Variants in NEDD9 observed in about 807,000 individuals in gnomAD.
NEDD9 encodes neural precursor cell expressed, developmentally down-regulated 9.
In NEDD9, 26 loss-of-function variants were observed where a neutral mutation model predicts 76.6. The observed-to-expected ratio is 0.34, with a 90% CI of 0.25 to 0.47. The LOEUF (loss-of-function observed/expected upper bound fraction) is 0.47, where lower values mean the gene tolerates loss of function less well. NEDD9 is among the 20% of genes least tolerant of loss of function. The pLI is 1.00. For synonymous variants in NEDD9, 392 were observed against 414.2 expected (o/e 0.95, Z 0.65); for missense variants, 937 against 1,058.5 (o/e 0.89, Z 1.59).
intron 1 of NEDD9, among the ~76,000 whole-genome samples, chr6:11,354,375 A>G (rs1320118470): frequency 6.6e-6 from 1 of 152,152 alleles, no homozygotes; most frequent in Admixed American, 6.5e-5. Context: ...CATTTTTCGG[A>G]TGGAGTCCCA....
At chr6:11,279,698 C>T (rs781442165) in intron 3 of NEDD9, among the ~76,000 whole-genome samples, 1 of 152,108 alleles carries the variant, frequency 6.6e-6, no homozygotes, top group Non-Finnish European at 1.5e-5. Context: ...CTCAGGGCTC[C>T]CCCTTGCATT....
intron 2 of NEDD9, among the ~76,000 whole-genome samples, chr6:11,210,070 A>G (rs1208110493): frequency 6.6e-6 from 1 of 150,812 alleles, no homozygotes; most frequent in East Asian, 2.0e-4. Context: ...ATTTTGAACT[A>G]TGGAAAGTCC....
intron 3 of NEDD9, among the ~76,000 whole-genome samples, chr6:11,245,723 A>G (rs527348119): frequency 5.3e-5 from 8 of 152,374 alleles, no homozygotes; most frequent in South Asian, 2.1e-4. Flanking sequence ...TTTAGAGCCA[A>G]TGCCAAAGTG....
upstream of NEDD9, among the ~76,000 whole-genome samples, chr6:11,234,634 A>G (rs1320557573): frequency 6.6e-6 from 1 of 152,138 alleles, no homozygotes; most frequent in Non-Finnish European, 1.5e-5. Flanking sequence ...TTGGGTCAGT[A>G]TATAGTTAGC....
chr6:11,342,363 G>A (rs916021591), intron 1 of NEDD9, among the ~76,000 whole-genome samples: 2 of 151,966 alleles, frequency 1.3e-5, no homozygotes, highest in African/African-American at 2.4e-5. Flanking sequence ...GATAAAGGAA[G>A]CCCCACCTAA....
At chr6:11,205,220 A>G (rs568462757) in intron 2 of NEDD9, among the ~76,000 whole-genome samples, 24 of 152,214 alleles carry the variant, frequency 1.6e-4, no homozygotes, top group Non-Finnish European at 2.8e-4. Flanking sequence ...CCCTCCTCTG[A>G]ACAGCAAATG....
At chr6:11,308,611 CG>C (rs1761269571) in intron 2 of NEDD9, among the ~76,000 whole-genome samples, 1 of 151,936 alleles carries the variant, frequency 6.6e-6, no homozygotes, top group Admixed American at 6.6e-5. Flanking sequence ...CCTCGTGATC[CG>C]CCCACCTCAG....
Position 11,225,800 on chromosome 6 carries a change from CTTTT to C in NEDD9, c.12+6700_12+6703del, listed in dbSNP as rs5874311. On this transcript the variant is annotated intron_variant, in intron 1 of 6. Coordinates refer to ENST00000379446, the MANE Select transcript of NEDD9 (RefSeq NM_006403.4). ...ACAGGTGTGAGCCACCGCGCCCGGCCTTTTTTTTTTTTTTTTTTTAAAGAATAAC... is the reference window on the plus strand; with the variant it reads ...ACAGGTGTGAGCCACCGCGCCCGGCCTTTTTTTTTTTTTTTAAAGAATAAC... Among the ~76,000 whole-genome samples, 745 of 135,166 alleles carry C rather than the reference CTTTT, an allele frequency of 5.5e-3. 4 individuals carry two copies. The highest frequency in any genetic ancestry group is 0.021 in the South Asian group (86 of 4,108). The allele number at this position is 135,166 out of a possible 152,430, so 88.7% of individuals were successfully genotyped here. A position where few individuals can be genotyped will look rare whatever the true frequency, so the allele number is the denominator to read the frequency against.
At chr6:11,218,345 CTTTTTT>C (rs35407775) in intron 1 of NEDD9, among the ~76,000 whole-genome samples, 3 of 141,066 alleles carry the variant, frequency 2.1e-5, no homozygotes, top group African/African-American at 7.9e-5. Context: ...TCTTCAGCAA[CTTTTTT>C]TTTTTTTTTT....
intron 1 of NEDD9, among the ~76,000 whole-genome samples, chr6:11,231,956 A>G (rs916650287): frequency 6.6e-6 from 1 of 152,248 alleles, no homozygotes; most frequent in Non-Finnish European, 1.5e-5. Context: ...TAACATAAGG[A>G]TGTCAAAATT....
chr6:11,241,518 C>T lies in NEDD9; in HGVS notation c.13-27791G>A, dbSNP rs542372732. On this transcript the variant is annotated intron_variant, in intron 3 of 3. Coordinates refer to the NEDD9 transcript ENST00000397378. The surrounding 1 kb of genome is among the most constrained non-coding windows in gnomAD (Gnocchi z 4.0). Reference sequence around the variant, plus strand: ...CCTAGATGGGCTGGATTTTCTGTTTCCAATCTACTTCCGAGCTTTGCCATT... The same window carrying T: ...CCTAGATGGGCTGGATTTTCTGTTTTCAATCTACTTCCGAGCTTTGCCATT... Among the ~76,000 whole-genome samples, 40 of 152,294 alleles carry T rather than the reference C, an allele frequency of 2.6e-4. No homozygotes were observed. The highest frequency in any genetic ancestry group is 9.6e-4 in the African/African-American group (40 of 41,560).
chr6:11,305,862 T>C lies in NEDD9; in HGVS notation c.12+130A>G, dbSNP rs1582012576. Reference sequence around the variant, plus strand: ...TGGCAGTCTAAACTTAACAGTATTTTCCCCAAATGTTAGTTGCAGGCCCGT... The same window carrying C: ...TGGCAGTCTAAACTTAACAGTATTTCCCCCAAATGTTAGTTGCAGGCCCGT... On this transcript the variant is annotated intron_variant, in intron 3 of 3. Transcript: ENST00000397378. 5.3e-6 allele frequency: 6 copies of C among 1,131,874 alleles called. No individual in the cohort carries two copies. The East Asian group carries it at 1.2e-4, about 22-fold the overall frequency. 70.1% of individuals were successfully genotyped at this position (1,131,874 alleles called of 1,614,324 possible). A position where few individuals can be genotyped will look rare whatever the true frequency, so the allele number is the denominator to read the frequency against.
At chr6:11,204,096 T>A (rs1758531891) in intron 2 of NEDD9, among the ~76,000 whole-genome samples, 1 of 152,146 alleles carries the variant, frequency 6.6e-6, no homozygotes, top group Admixed American at 6.5e-5. Context: ...AGAGATAATC[T>A]AGCATCACTT....
chr6:11,231,976 C>T (rs1759481683), intron 1 of NEDD9, among the ~76,000 whole-genome samples: 1 of 152,214 alleles, frequency 6.6e-6, no homozygotes, highest in Non-Finnish European at 1.5e-5. Context: ...TTTCCATCCT[C>T]AGCTGTGTAA....
At chr6:11,351,401 G>GAAT (rs1464239474) in intron 1 of NEDD9, among the ~76,000 whole-genome samples, 1 of 152,108 alleles carries the variant, frequency 6.6e-6, no homozygotes, top group African/African-American at 2.4e-5. Flanking sequence ...TGGGGTTCAG[G>GAAT]ACATATTGCC....
intron 6 of NEDD9, among the ~76,000 whole-genome samples, chr6:11,186,776 C>G (rs1487178949): frequency 6.6e-6 from 1 of 152,162 alleles, no homozygotes; most frequent in Non-Finnish European, 1.5e-5. Context: ...CGCCACCATG[C>G]CTGGCTAATT....
At chr6:11,188,190 A>C in intron 6 of NEDD9, 28 bp downstream of exon 6, 1 of 1,558,958 alleles carries the variant, frequency 6.4e-7, no homozygotes, top group Non-Finnish European at 8.9e-7. Flanking sequence ...TTCCAATGCC[A>C]AGCAGTTTTT....
chr6:11,308,195 T>C (rs1761248789), intron 2 of NEDD9, among the ~76,000 whole-genome samples: 1 of 151,780 alleles, frequency 6.6e-6, no homozygotes, highest in African/African-American at 2.4e-5. Context: ...GGTTATGGGA[T>C]GGAGCAGGGC....
At chr6:11,249,304 G>A (rs1759868571) in intron 3 of NEDD9, 2 of 401,704 alleles carry the variant, frequency 5.0e-6, no homozygotes, top group Non-Finnish European at 9.8e-6. Context: ...TTAAAAAGAA[G>A]TTAATTTTCT....
Sources: allele counts gnomAD v4.1 joint callset (sites outside exome capture counted in the v4.1 genomes callset), GRCh38; gene constraint gnomAD v4.1.1; non-coding constraint Gnocchi (gnomAD v3.1); transcripts MANE v1.5; gene names NCBI Gene and HGNC (gene_info 2026-07-23, HGNC 2026-07-21).